Variants in ZNF804A observed in about 807,000 individuals in gnomAD.
ZNF804A encodes the protein zinc finger protein 804A.
Under a neutral mutation model 16.5 loss-of-function variants are expected in ZNF804A, and 2 were observed. The observed-to-expected ratio is 0.12, with a 90% CI of 0.05 to 0.38. ZNF804A has a LOEUF of 0.38. ZNF804A is among the 10% of genes least tolerant of loss of function. ZNF804A has a pLI of 0.99. For missense variants in ZNF804A, 1,473 were observed against 1,390.7 expected, an observed-to-expected ratio of 1.06 and a Z score of -0.94; for synonymous variants, 534 against 489.6, an observed-to-expected ratio of 1.09 and a Z score of -1.20.
chr2:184,641,593 A>G (rs1179428238), intron 1 of ZNF804A, among the ~76,000 whole-genome samples: 1 of 152,204 alleles, frequency 6.6e-6, no homozygotes, highest in East Asian at 1.9e-4. Context: ...AAGAAATTGC[A>G]CTGTTTCATT....
chr2:184,692,891 A>T (rs191526210), intron 1 of ZNF804A, among the ~76,000 whole-genome samples: 1 of 152,204 alleles, frequency 6.6e-6, no homozygotes, highest in Non-Finnish European at 1.5e-5. Context: ...CAAATAAAAA[A>T]AATACATAGC....
chr2:184,920,359 C>A lies in ZNF804A; in HGVS notation c.256-13244C>A, dbSNP rs188406069. On this transcript the variant is annotated intron_variant, in intron 2 of 3. Coordinates refer to ENST00000302277, the MANE Select transcript of ZNF804A (RefSeq NM_194250.2). ...CAGTGGTCAGAACAAAAATGACTTG[C>A]AAATTCTTTATTATTTCATTCTGAA... Among the ~76,000 whole-genome samples, 59 of 152,282 alleles carry A rather than the reference C, an allele frequency of 3.9e-4. 1 individual carries two copies. The East Asian group carries it at 0.01, about 27-fold the overall frequency.
At chr2:184,636,443 G>GTA in intron 1 of ZNF804A, among the ~76,000 whole-genome samples, 3 of 137,484 alleles carry the variant, frequency 2.2e-5, no homozygotes, top group Non-Finnish European at 4.9e-5. Context: ...GTGTGTGTGT[G>GTA]TGTGTGTGTG....
intron 1 of ZNF804A, among the ~76,000 whole-genome samples, chr2:184,658,396 C>T (rs1692115647): frequency 6.6e-6 from 1 of 152,160 alleles, no homozygotes; most frequent in African/African-American, 2.4e-5. Context: ...TTGCTTGAAA[C>T]CAGGAGGCAG....
At chr2:184,925,320 C>T (rs561483512) in intron 2 of ZNF804A, among the ~76,000 whole-genome samples, 9 of 151,798 alleles carry the variant, frequency 5.9e-5, no homozygotes, top group Admixed American at 1.3e-4. Flanking sequence ...TTGTTGTCAT[C>T]GAATCTGTTT....
At chr2:184,886,623 G>A (rs529344027) in intron 2 of ZNF804A, among the ~76,000 whole-genome samples, 1 of 152,340 alleles carries the variant, frequency 6.6e-6, no homozygotes, top group Admixed American at 6.5e-5. Context: ...TGAAATCTAG[G>A]CAGAGGTGCC....
chr2:184,921,757 C>T (rs925933159), intron 2 of ZNF804A, among the ~76,000 whole-genome samples: 2 of 151,692 alleles, frequency 1.3e-5, no homozygotes, highest in Non-Finnish European at 2.9e-5. Context: ...ATTAAATATC[C>T]CCCACTTACC....
chr2:184,865,710 G>A (rs1695869081), intron 1 of ZNF804A, among the ~76,000 whole-genome samples: 1 of 152,040 alleles, frequency 6.6e-6, no homozygotes, highest in Non-Finnish European at 1.5e-5. Context: ...TATTTACTGT[G>A]AGTATGATGA....
chr2:184,710,874 G>C (rs1202379635), intron 1 of ZNF804A, among the ~76,000 whole-genome samples: 1 of 151,684 alleles, frequency 6.6e-6, no homozygotes, highest in Admixed American at 6.6e-5. Context: ...TTCATTCTAT[G>C]TCTATGCCAT....
intron 1 of ZNF804A, among the ~76,000 whole-genome samples, chr2:184,659,510 T>C (rs1422762439): frequency 6.6e-6 from 1 of 151,980 alleles, no homozygotes; most frequent in Non-Finnish European, 1.5e-5. Context: ...AACATACATG[T>C]ATATCACATA....
At chr2:184,917,296 C>A (rs770853663) in intron 2 of ZNF804A, among the ~76,000 whole-genome samples, 19 of 152,114 alleles carry the variant, frequency 1.2e-4, no homozygotes, top group Non-Finnish European at 2.6e-4. Context: ...CAAAAGATAC[C>A]AATCCCTTCC....
chr2:184,803,066 G>C (rs1319056142), intron 1 of ZNF804A, among the ~76,000 whole-genome samples: 2 of 151,992 alleles, frequency 1.3e-5, no homozygotes, highest in East Asian at 3.9e-4. Context: ...AGTAAACTAA[G>C]CCCTAAATAA....
chr2:184,714,053 T>A (rs1296549195), intron 1 of ZNF804A, among the ~76,000 whole-genome samples: 2 of 152,048 alleles, frequency 1.3e-5, no homozygotes, highest in East Asian at 3.8e-4. Flanking sequence ...ACAGTTATAA[T>A]AAATTACTCC....
chr2:184,901,912 G>T (rs150193771), intron 2 of ZNF804A, among the ~76,000 whole-genome samples: 2 of 151,548 alleles, frequency 1.3e-5, no homozygotes, highest in South Asian at 2.1e-4. Flanking sequence ...ATCACATGAC[G>T]CTTTCTTATT....
chr2:184,804,215 G>T (rs1694767617), intron 1 of ZNF804A, among the ~76,000 whole-genome samples: 1 of 152,048 alleles, frequency 6.6e-6, no homozygotes, highest in Non-Finnish European at 1.5e-5. Flanking sequence ...ATTCACTCGG[G>T]TAATCCCAGA....
At chr2:184,697,556 C>T (rs761014386) in intron 1 of ZNF804A, among the ~76,000 whole-genome samples, 5 of 151,894 alleles carry the variant, frequency 3.3e-5, no homozygotes, top group Middle Eastern at 3.4e-3. Context: ...AAATCATCCA[C>T]GGGAGATTAC....
intron 2 of ZNF804A, among the ~76,000 whole-genome samples, chr2:184,910,159 C>G (rs945649843): frequency 1.3e-5 from 2 of 151,942 alleles, no homozygotes; most frequent in African/African-American, 4.8e-5. Context: ...TTCCCAGTGT[C>G]TACTATGCCA....
chr2:184,673,973 A>G (rs757973182), intron 1 of ZNF804A, among the ~76,000 whole-genome samples: 5 of 152,148 alleles, frequency 3.3e-5, no homozygotes, highest in African/African-American at 4.8e-5. Flanking sequence ...ATAATAAACT[A>G]TCTCACCCGC....
intron 2 of ZNF804A, among the ~76,000 whole-genome samples, chr2:184,871,069 A>G (rs1695966472): frequency 6.6e-6 from 1 of 150,900 alleles, no homozygotes; most frequent in African/African-American, 2.4e-5. Context: ...TCAGAAGAGC[A>G]TACAAGATAC....
Sources: gnomAD v4.1 joint callset for allele counts (sites outside exome capture counted in the v4.1 genomes callset) on GRCh38, gnomAD v4.1.1 for gene constraint, MANE v1.5 for transcripts, NCBI Gene and HGNC (gene_info 2026-07-23, HGNC 2026-07-21) for gene names.